The following ASAP2 variants were observed in gnomAD, a reference collection of about 807,000 sequenced individuals.
ASAP2 encodes the protein ArfGAP with SH3 domain, ankyrin repeat and PH domain 2, also known as arf-GAP with SH3 domain, ANK repeat and PH domain-containing protein 2.
In ASAP2, 45 loss-of-function variants were observed where a neutral mutation model predicts 131.4. That is an observed-to-expected ratio of 0.34 (90% CI 0.27 to 0.44). ASAP2 has a LOEUF of 0.44. Among genes scored for constraint, ASAP2 ranks in the 20% least tolerant of loss-of-function variants. ASAP2 has a pLI of 1.00. For synonymous variants in ASAP2, 510 were observed against 503.0 expected, an observed-to-expected ratio of 1.01 and a Z score of -0.19; for missense variants, 1,011 against 1,297.0, an observed-to-expected ratio of 0.78 and a Z score of 3.39.
chr2:9,277,227 C>T (rs1367607384), intron 1 of ASAP2, among the ~76,000 whole-genome samples: 4 of 152,214 alleles, frequency 2.6e-5, no homozygotes, highest in African/African-American at 7.2e-5. Context: ...CTAAGCTTCG[C>T]GAACTGGTGT....
At chr2:9,371,972 C>T (rs1490157438) in intron 16 of ASAP2, among the ~76,000 whole-genome samples, 2 of 152,162 alleles carry the variant, frequency 1.3e-5, no homozygotes, top group African/African-American at 4.8e-5. Flanking sequence ...GCAAAGCAAA[C>T]CTCCTTCACA....
chr2:9,339,688 T>G (rs189193936), intron 9 of ASAP2, among the ~76,000 whole-genome samples: 1 of 152,212 alleles, frequency 6.6e-6, no homozygotes, highest in African/African-American at 2.4e-5. Context: ...TCCCTTAGCC[T>G]CCTTGTTGGT....
intron 3 of ASAP2, among the ~76,000 whole-genome samples, chr2:9,305,956 T>C (rs1358342665): frequency 6.7e-6 from 1 of 149,640 alleles, no homozygotes; most frequent in African/African-American, 2.5e-5. Flanking sequence ...GGTACAGATA[T>C]TGGTGGAGGG....
At chr2:9,332,803 TAAAG>T (rs554911404) in intron 7 of ASAP2, among the ~76,000 whole-genome samples, 235 of 152,222 alleles carry the variant, frequency 1.5e-3, no homozygotes, top group African/African-American at 5.4e-3. Context: ...AATAGTTACA[TAAAG>T]AAAAACACGT....
chr2:9,391,373 C>G (rs59242662), intron 23 of ASAP2, among the ~76,000 whole-genome samples, 177 bp downstream of exon 23: 1 of 152,140 alleles, frequency 6.6e-6, no homozygotes, highest in African/African-American at 2.4e-5. Flanking sequence ...TTCGTCACAG[C>G]TGCAAACCCC....
chr2:9,260,664 C>T (rs571175544), intron 1 of ASAP2, among the ~76,000 whole-genome samples: 2 of 152,278 alleles, frequency 1.3e-5, no homozygotes, highest in Admixed American at 6.5e-5. Flanking sequence ...TTTCTTCTCC[C>T]TTCCCTATTC....
chr2:9,250,850 A>G (rs1363607423), intron 1 of ASAP2, among the ~76,000 whole-genome samples: 1 of 152,248 alleles, frequency 6.6e-6, no homozygotes, highest in Non-Finnish European at 1.5e-5. Flanking sequence ...CTGTGAGCAA[A>G]GTGCTGAGCC....
At chr2:9,343,439 T>C (rs1437857268) in intron 9 of ASAP2, among the ~76,000 whole-genome samples, 1 of 151,948 alleles carries the variant, frequency 6.6e-6, no homozygotes, top group African/African-American at 2.4e-5. Flanking sequence ...CTGCTACTGT[T>C]TGTTTTGTTT....
intron 1 of ASAP2, among the ~76,000 whole-genome samples, chr2:9,266,378 C>T (rs1409636513): frequency 6.6e-6 from 1 of 152,146 alleles, no homozygotes; most frequent in Non-Finnish European, 1.5e-5. Context: ...AATGCTTAGG[C>T]TCAAGTGGTC....
At chr2:9,290,445 A>C (rs1276489465) in intron 2 of ASAP2, among the ~76,000 whole-genome samples, 1 of 152,118 alleles carries the variant, frequency 6.6e-6, no homozygotes, top group Non-Finnish European at 1.5e-5. Flanking sequence ...CCTGACCTCA[A>C]GAGATCTGCC....
Position 9,393,634 on chromosome 2 carries a change from A to C in ASAP2, c.2671A>C (p.Lys891Gln), listed in dbSNP as rs1675893737. ...PQPPSRLPQK[K>Q]PAPGADKSTP... ...GCCGCCCAGCCGCCTCCCGCAGAAG[A>C]AGCCTGCGCCGGGGTAAGCCACCCC... Residue 891 changes from lysine (K) to glutamine (Q), a missense_variant, in exon 24 of 28, where the codon AAG becomes CAG. Transcript: ENST00000281419. 8 of 1,578,526 alleles carry C rather than the reference A, an allele frequency of 5.1e-6. No homozygotes were observed. Among genetic ancestry groups the C allele is most frequent in the Non-Finnish European group, 6.9e-6 (8 of 1,165,850 alleles).
At chr2:9,224,842 C>T (rs1662653779) in intron 1 of ASAP2, among the ~76,000 whole-genome samples, 1 of 152,326 alleles carries the variant, frequency 6.6e-6, no homozygotes, top group African/African-American at 2.4e-5. Context: ...TGCTCAGAAG[C>T]AGAGTGCTCT....
rs34070129 is a variant in ASAP2 at position 9,240,245 on chromosome 2, A to AT, written c.126+33037dup. On this transcript the variant is annotated intron_variant, in intron 1 of 27. Coordinates refer to ENST00000281419, the MANE Select transcript of ASAP2 (RefSeq NM_003887.3). ...GTTCATGTCATGTCTTCCTCCCATA[A>AT]TTTTTTTTTTTTTTTTTTTTTTATT... Among the ~76,000 whole-genome samples, 729 of 127,082 alleles carry AT rather than the reference A, an allele frequency of 5.7e-3. 5 individuals are homozygous for AT. Among genetic ancestry groups the AT allele is most frequent in the Middle Eastern group, 8.7e-3 (2 of 230 alleles). The allele number at this position is 127,082 out of a possible 152,430, so 83.4% of individuals were successfully genotyped here.
intron 6 of ASAP2, 88 bp downstream of exon 6, chr2:9,323,338 T>A: frequency 6.5e-7 from 1 of 1,543,828 alleles, no homozygotes; most frequent in Non-Finnish European, 8.7e-7. Context: ...TACCAGCGGC[T>A]TCAGAGAAAA....
At chr2:9,367,589 C>A (rs1416357429) in intron 15 of ASAP2, among the ~76,000 whole-genome samples, 3 of 152,036 alleles carry the variant, frequency 2.0e-5, no homozygotes, top group Non-Finnish European at 1.5e-5. Context: ...GGTGAAACCC[C>A]ATCTCTACAA....
intron 1 of ASAP2, chr2:9,271,689 G>C: frequency 1.9e-6 from 1 of 536,790 alleles, no homozygotes; most frequent in South Asian, 4.3e-5. Flanking sequence ...CAGAGGGTAC[G>C]GAAAGTAGGG....
intron 9 of ASAP2, 105 bp from the exon 10 acceptor site, chr2:9,344,427 G>T: frequency 1.2e-6 from 1 of 827,600 alleles, no homozygotes; most frequent in Non-Finnish European, 1.8e-6. Context: ...AATTTTTGTT[G>T]TTGTTAAAAA....
chr2:9,261,841 C>T (rs542665907), intron 1 of ASAP2, among the ~76,000 whole-genome samples: 6 of 152,152 alleles, frequency 3.9e-5, no homozygotes, highest in South Asian at 2.1e-4. Flanking sequence ...GTGGACACCC[C>T]GGTGGCCACT....
intron 24 of ASAP2, among the ~76,000 whole-genome samples, chr2:9,395,633 A>G (rs1676084869): frequency 4.2e-5 from 3 of 71,662 alleles, no homozygotes; most frequent in African/African-American, 1.5e-4. Flanking sequence ...TTTGAGATGG[A>G]GTCTTGCTCT....
Sources: allele counts gnomAD v4.1 joint callset (sites outside exome capture counted in the v4.1 genomes callset), GRCh38; gene constraint gnomAD v4.1.1; transcripts MANE v1.5; gene names NCBI Gene and HGNC (gene_info 2026-07-23, HGNC 2026-07-21).